The following PLGRKT variants were observed in gnomAD, a reference collection of about 807,000 sequenced individuals.
PLGRKT encodes plasminogen receptor with a C-terminal lysine.
In PLGRKT, 22 loss-of-function variants were observed where a neutral mutation model predicts 18.5. The observed-to-expected ratio is 1.19, with a 90% CI of 0.85 to 1.70. The LOEUF is 1.70. Ranked by LOEUF, PLGRKT falls within the 40% of genes most tolerant of loss-of-function variation. PLGRKT has a pLI of 0.00. For missense variants in PLGRKT, 235 were observed against 174.4 expected (o/e 1.35, Z -1.96); for synonymous variants, 72 against 52.8 (o/e 1.36, Z -1.58).
intron 3 of PLGRKT, among the ~76,000 whole-genome samples, chr9:5,380,887 A>G (rs1387314104): frequency 2.0e-5 from 3 of 152,188 alleles, no homozygotes; most frequent in Non-Finnish European, 4.4e-5. Context: ...GGGAGCTGGT[A>G]GGAGGTGATT....
intron 2 of PLGRKT, among the ~76,000 whole-genome samples, chr9:5,436,088 C>G (rs1000807355): frequency 6.6e-6 from 1 of 152,214 alleles, no homozygotes; most frequent in Non-Finnish European, 1.5e-5. Context: ...CTGTGCCACT[C>G]GAGCACCCTG....
intron 3 of PLGRKT, among the ~76,000 whole-genome samples, chr9:5,424,704 G>T (rs957353295): frequency 8.0e-6 from 1 of 124,528 alleles, no homozygotes; most frequent in Non-Finnish European, 1.6e-5. Context: ...ACACAGGGGG[G>T]GGAGAGAGGG....
rs572120732 is a variant in PLGRKT at position 5,402,818 on chromosome 9, C to A, written c.81+29079G>T. On this transcript the variant is annotated intron_variant, in intron 3 of 5. Coordinates refer to ENST00000223864, the MANE Select transcript of PLGRKT (RefSeq NM_018465.4). ...TAAAAGTAGGACAGCAAAATTAAGTCCTTAACGTTTTTGAAATTTAGGAAG... is the reference window on the plus strand; with the variant it reads ...TAAAAGTAGGACAGCAAAATTAAGTACTTAACGTTTTTGAAATTTAGGAAG... Among the ~76,000 whole-genome samples the A allele has an allele frequency of 4.6e-5, 7 of 151,964 alleles. No homozygotes were observed. In the South Asian group the frequency reaches 1.0e-3, roughly 23 times the overall value.
chr9:5,391,987 G>C (rs1248417948), intron 3 of PLGRKT, among the ~76,000 whole-genome samples: 2 of 151,860 alleles, frequency 1.3e-5, no homozygotes, highest in Non-Finnish European at 2.9e-5. Flanking sequence ...AGGAGAAGTT[G>C]GTCTGGCCTG....
At chr9:5,398,113 A>T (rs1178316518) in intron 3 of PLGRKT, among the ~76,000 whole-genome samples, 1 of 151,764 alleles carries the variant, frequency 6.6e-6, no homozygotes, top group Non-Finnish European at 1.5e-5. Context: ...GCAGACAATG[A>T]ATAAGATCCC....
At chr9:5,401,583 T>C (rs1818154934) in intron 3 of PLGRKT, among the ~76,000 whole-genome samples, 1 of 152,042 alleles carries the variant, frequency 6.6e-6, no homozygotes, top group Admixed American at 6.5e-5. Context: ...AAAAAACATT[T>C]TTTAAGCAGA....
chr9:5,393,438 A>G (rs1817986950), intron 3 of PLGRKT, among the ~76,000 whole-genome samples: 1 of 151,904 alleles, frequency 6.6e-6, no homozygotes, highest in Non-Finnish European at 1.5e-5. Context: ...GTAAAACCCC[A>G]ATATGGTAAG....
At chr9:5,366,849 A>G (rs558424320) in intron 3 of PLGRKT, among the ~76,000 whole-genome samples, 1 of 152,274 alleles carries the variant, frequency 6.6e-6, no homozygotes, top group African/African-American at 2.4e-5. Flanking sequence ...GAAAACCTAA[A>G]GATGCTGCCA....
intron 3 of PLGRKT, among the ~76,000 whole-genome samples, chr9:5,382,594 C>T (rs1316704894): frequency 1.3e-5 from 2 of 152,170 alleles, no homozygotes; most frequent in Non-Finnish European, 2.9e-5. Flanking sequence ...GGAAGGAGGG[C>T]AGGCCTGGAG....
intron 3 of PLGRKT, among the ~76,000 whole-genome samples, chr9:5,416,951 A>G (rs191408981): frequency 6.6e-6 from 1 of 152,370 alleles, no homozygotes; most frequent in Admixed American, 6.5e-5. Flanking sequence ...TCCCCAAGTG[A>G]CTGCAGACAT....
chr9:5,397,508 T>C (rs1004650628), intron 3 of PLGRKT, among the ~76,000 whole-genome samples: 1 of 151,114 alleles, frequency 6.6e-6, no homozygotes, highest in African/African-American at 2.5e-5. Context: ...CATCAAATAT[T>C]TGTTGAAAGA....
chr9:5,419,454 G>A (rs970614846), intron 3 of PLGRKT, among the ~76,000 whole-genome samples: 2 of 152,210 alleles, frequency 1.3e-5, no homozygotes, highest in African/African-American at 2.4e-5. Context: ...GGCCACGGAC[G>A]CTACAGCTTC....
intron 3 of PLGRKT, among the ~76,000 whole-genome samples, chr9:5,411,319 A>G (rs1818360129): frequency 6.7e-6 from 1 of 148,888 alleles, no homozygotes; most frequent in Admixed American, 6.8e-5. Flanking sequence ...TGGGAGGCAG[A>G]GGTTGCAGCG....
intron 3 of PLGRKT, among the ~76,000 whole-genome samples, chr9:5,363,023 T>G (rs10435811): frequency 0.58 from 88,045 of 151,596 alleles, 25,768 homozygotes; most frequent in South Asian, 0.63. Context: ...GTGGAGGAAG[T>G]CTGCAAGGTT....
intron 3 of PLGRKT, among the ~76,000 whole-genome samples, chr9:5,430,493 T>C (rs187794041): frequency 5.1e-4 from 78 of 152,350 alleles, no homozygotes; most frequent in African/African-American, 1.8e-3. Context: ...AAAACAATAA[T>C]AGTAACAACA....
rs778899600 is a variant in PLGRKT, at chr9:5,431,931, T to G, written c.47A>C (p.Gln16Pro). 2.6e-6 allele frequency: 4 copies of G among 1,552,066 alleles called. No individual in the cohort carries two copies. Among genetic ancestry groups the G allele is most frequent in the Non-Finnish European group, 3.6e-6 (4 of 1,124,768 alleles). ...AGCATTCATAAGCATGAACTCCTTT[T>G]GATTTTTCATGCTTTCATTCATAGA... ...SKSMNESMKN[Q>P]KEFMLMNARL... Residue 16 changes from glutamine to proline, a missense_variant, in exon 3 of 6, where the codon CAA (glutamine) becomes CCA (proline). Transcript: ENST00000223864.
At chr9:5,365,765 T>G (rs183980655) in intron 3 of PLGRKT, among the ~76,000 whole-genome samples, 1 of 152,220 alleles carries the variant, frequency 6.6e-6, no homozygotes, top group African/African-American at 2.4e-5. Flanking sequence ...GCACAAAGAA[T>G]GTAGGGTATT....
intron 3 of PLGRKT, among the ~76,000 whole-genome samples, chr9:5,412,071 AT>A (rs1818376457): frequency 6.6e-6 from 1 of 152,230 alleles, no homozygotes; most frequent in East Asian, 1.9e-4. Flanking sequence ...AAAAGTGTCT[AT>A]AATTAAAACA....
chr9:5,437,836 G>T lies in PLGRKT; in HGVS notation c.-180C>A, dbSNP rs1315051616. 1 of 152,290 alleles carries T rather than the reference G, an allele frequency of 6.6e-6. No homozygotes were observed. The highest frequency in any genetic ancestry group is 1.5e-5 in the Non-Finnish European group (1 of 68,080). 9.4% of individuals were successfully genotyped at this position (152,290 alleles called of 1,614,324 possible). A position where few individuals can be genotyped will look rare whatever the true frequency, so the allele number is the denominator to read the frequency against. On this transcript the variant is annotated 5_prime_UTR_variant, in exon 1 of 6. In the 5' UTR this introduces an upstream ATG that the reference lacks. Transcript: ENST00000223864. ...CAGGCGACCGGTACGCAAACCTCCA[G>T]GCCCGGGCTCCTTTCGCCCGCTGCA...
Sources: gnomAD v4.1 joint callset for allele counts (sites outside exome capture counted in the v4.1 genomes callset) on GRCh38, gnomAD v4.1.1 for gene constraint, MANE v1.5 for transcripts, NCBI Gene and HGNC (gene_info 2026-07-23, HGNC 2026-07-21) for gene names.